STAT4: variants seen among roughly 807,000 people sequenced by gnomAD.
STAT4 encodes signal transducer and activator of transcription 4.
In STAT4, 42 loss-of-function variants were observed where a neutral mutation model predicts 110.5. That is an observed-to-expected ratio of 0.38 (90% confidence interval 0.30 to 0.49). The LOEUF (loss-of-function observed/expected upper bound fraction) is 0.49, where lower values mean the gene tolerates loss of function less well. Ranked by LOEUF, STAT4 falls within the 20% of genes least tolerant of loss-of-function variation. STAT4 has a pLI of 0.95. For missense variants in STAT4, 632 were observed against 887.9 expected (o/e 0.71, Z 3.66); for synonymous variants, 284 against 302.2 (o/e 0.94, Z 0.63).
rs8179673 is a variant in STAT4 at position 191,104,615 on chromosome 2, C to T, written c.274-28290G>A. On this transcript the variant is annotated intron_variant, in intron 3 of 23. Coordinates refer to ENST00000392320, the MANE Select transcript of STAT4 (RefSeq NM_003151.4). The surrounding 1 kb of genome is among the most constrained non-coding windows in gnomAD (Gnocchi z 4.3). ...TTTTGCTAAATAAGTATATATTAAACAAAGGTCCATAACCACCATACACAT... is the reference window on the plus strand; with the variant it reads ...TTTTGCTAAATAAGTATATATTAAATAAAGGTCCATAACCACCATACACAT... Among the ~76,000 whole-genome samples the T allele has an allele frequency of 0.78, 118,809 of 152,086 alleles. 46,692 individuals are homozygous for T. The highest frequency in any genetic ancestry group is 0.85 in the African/African-American group (35,409 of 41,512).
chr2:191,122,030 C>G (rs943798316), intron 3 of STAT4: 4 of 152,014 alleles, frequency 2.6e-5, no homozygotes, highest in Non-Finnish European at 5.9e-5. Flanking sequence ...GAATGACACA[C>G]AAATTTGTAA....
rs3024853 is a variant in STAT4, at chr2:191,063,480, T to C, written c.783-560A>G. Among the ~76,000 whole-genome samples the C allele has an allele frequency of 5.5e-3, 844 of 152,268 alleles. 9 individuals are homozygous for C. Among genetic ancestry groups the C allele is most frequent in the African/African-American group, 0.019 (801 of 41,552 alleles). On this transcript the variant is annotated intron_variant, in intron 8 of 23. Transcript: ENST00000392320. ...GCTTGCCTCTGATAACTGCTTGGAATTTTATTCACTATGTGGTGATCTCAC... is the reference window on the plus strand; with the variant it reads ...GCTTGCCTCTGATAACTGCTTGGAACTTTATTCACTATGTGGTGATCTCAC...
At position 191,039,389 on chromosome 2, in the gene STAT4, A is replaced by C; in HGVS notation, c.1336-92T>G. On this transcript the variant is annotated intron_variant, in intron 15 of 23. Coordinates refer to ENST00000392320, the MANE Select transcript of STAT4 (RefSeq NM_003151.4). The surrounding 1 kb of genome is among the most constrained non-coding windows in gnomAD (Gnocchi z 4.7). ...CCCTCGCCTCTAAAGGGCCAATCTC[A>C]AGCCAGCCCCACACCTCCAGTCCTG... The C allele has an allele frequency of 1.3e-4, 134 of 1,071,980 alleles. No individual in the cohort carries two copies. Among genetic ancestry groups the C allele is most frequent in the Non-Finnish European group, 1.6e-4 (113 of 696,674 alleles). 66.4% of individuals were successfully genotyped at this position (1,071,980 alleles called of 1,614,324 possible).
intron 13 of STAT4, among the ~76,000 whole-genome samples, chr2:191,055,114 G>GA (rs1696643992): frequency 6.6e-6 from 1 of 151,922 alleles, no homozygotes; most frequent in Non-Finnish European, 1.5e-5. Context: ...AATTATTTTA[G>GA]AAAAAAGAAT....
intron 3 of STAT4, among the ~76,000 whole-genome samples, chr2:191,092,720 G>A (rs1697835675): frequency 6.6e-6 from 1 of 152,068 alleles, no homozygotes; most frequent in Admixed American, 6.5e-5. Flanking sequence ...GCCCACGGAG[G>A]GTGAGCCAAA....
Position 191,136,024 on chromosome 2 carries a change from C to CAAAAA in STAT4, c.273+10584_273+10588dup, listed in dbSNP as rs1699173501. 4.0e-3 allele frequency among the ~76,000 whole-genome samples: 177 copies of CAAAAA among 43,726 alleles called. 6 individuals are homozygous for CAAAAA. The highest frequency in any genetic ancestry group is 0.011 in the African/African-American group (170 of 15,498). 28.7% of individuals were successfully genotyped at this position (43,726 alleles called of 152,430 possible). A position where few individuals can be genotyped will look rare whatever the true frequency, so the allele number is the denominator to read the frequency against. ...ATCTCAGAAAAAAAAAAAAAAAAAC[C>CAAAAA]AAAAAACAAAAAACCAATGTGATCA... On this transcript the variant is annotated intron_variant, in intron 3 of 23. Transcript: ENST00000392320.
At position 191,108,406 on chromosome 2, in the gene STAT4, G is replaced by A. The variant is rs565101392; in HGVS notation, c.274-32081C>T. 1.2e-4 allele frequency among the ~76,000 whole-genome samples: 18 copies of A among 152,152 alleles called. No homozygotes were observed. The East Asian group carries it at 2.7e-3, about 23-fold the overall frequency. On this transcript the variant is annotated intron_variant, in intron 3 of 23. Transcript: ENST00000392320. ...CTATAAACTCGATAGTGACAGTCTT[G>A]TTCATTAAAGATGAACATCCTTTTG...
chr2:191,073,237 T>C (rs368097626), intron 4 of STAT4, 47 bp from the exon 5 acceptor site: 46 of 1,516,444 alleles, frequency 3.0e-5, no homozygotes, highest in Non-Finnish European at 4.2e-5. Context: ...AAAAGGTTTA[T>C]GATGAATGCA....
At chr2:191,123,789 G>A (rs1464082799) in intron 3 of STAT4, among the ~76,000 whole-genome samples, 1 of 152,184 alleles carries the variant, frequency 6.6e-6, no homozygotes, top group East Asian at 1.9e-4. Flanking sequence ...GCAGGGGCTC[G>A]CTGCGACTGA....
chr2:191,123,500 G>A (rs1482086963), intron 3 of STAT4, among the ~76,000 whole-genome samples: 4 of 152,044 alleles, frequency 2.6e-5, no homozygotes, highest in South Asian at 2.1e-4. Context: ...CCATATTCTC[G>A]AAATACAGAT....
chr2:191,067,928 AC>A (rs1383632681), intron 6 of STAT4: 7 of 152,182 alleles, frequency 4.6e-5, no homozygotes, highest in African/African-American at 1.7e-4. Context: ...AAATTTCTCT[AC>A]AAATTAGGAC....
chr2:191,141,100 G>C (rs1019886371), intron 3 of STAT4, among the ~76,000 whole-genome samples: 2 of 151,864 alleles, frequency 1.3e-5, no homozygotes, highest in Admixed American at 1.3e-4. Flanking sequence ...TTGGGAGCGG[G>C]GGGTGAGGGA....
chr2:191,133,001 A>G (rs886104646), intron 3 of STAT4, among the ~76,000 whole-genome samples: 1 of 151,144 alleles, frequency 6.6e-6, no homozygotes, highest in African/African-American at 2.4e-5. Flanking sequence ...TGATCTGCCC[A>G]CCTCGGCCTC....
At position 191,030,919 on chromosome 2, in the gene STAT4, T is replaced by A. The variant is rs986362783; in HGVS notation, c.2220+53A>T. 2.0e-5 allele frequency: 31 copies of A among 1,539,254 alleles called. No individual in the cohort carries two copies. In the African/African-American group the frequency reaches 3.7e-4, roughly 18 times the overall value. The stretch of plus-strand genomic sequence containing the variant: ...CAGCCCCTTTGATTCACACACCACC[T>A]TTGCATCGTTGGAAACACCTTTGAC... On this transcript the variant is annotated intron_variant, in intron 23 of 23. Coordinates refer to ENST00000392320, the MANE Select transcript of STAT4 (RefSeq NM_003151.4). The surrounding 1 kb of genome is among the most constrained non-coding windows in gnomAD (Gnocchi z 4.4).
At position 191,058,632 on chromosome 2, in the gene STAT4, T is replaced by C. The variant is rs1351837761; in HGVS notation, c.1094+78A>G. 3.6e-6 allele frequency: 3 copies of C among 842,882 alleles called. No individual in the cohort carries two copies. The highest frequency in any genetic ancestry group is 2.7e-5 in the Admixed American group (1 of 37,460). The allele number at this position is 842,882 out of a possible 1,614,324, so 52.2% of individuals were successfully genotyped here. ...AAGTAAATTTAAAAGTTCAAAATTA[T>C]TCTATAAAATAAAGGCCATTCATTT... On this transcript the variant is annotated intron_variant, in intron 11 of 23. Transcript: ENST00000392320. The surrounding 1 kb of genome is among the most constrained non-coding windows in gnomAD (Gnocchi z 4.3).
rs543406279 is a variant in STAT4 at position 191,094,230 on chromosome 2, T to C, written c.274-17905A>G. 5.3e-5 allele frequency among the ~76,000 whole-genome samples: 8 copies of C among 152,144 alleles called. 1 individual carries two copies. The highest frequency in any genetic ancestry group is 1.7e-4 in the African/African-American group (7 of 41,504). On this transcript the variant is annotated intron_variant, in intron 3 of 23. Transcript: ENST00000392320. Reference sequence around the variant, plus strand: ...CAGGCCTACATTAAAATTCAGGAAATACAGAGAACGCCACAAAGATACTCC... The same window carrying C: ...CAGGCCTACATTAAAATTCAGGAAACACAGAGAACGCCACAAAGATACTCC...
chr2:191,134,989 T>C (rs1053772199), intron 3 of STAT4, among the ~76,000 whole-genome samples: 1 of 150,922 alleles, frequency 6.6e-6, no homozygotes, highest in Non-Finnish European at 1.5e-5. Context: ...AACAATCTAA[T>C]CATGCACCTC....
chr2:191,133,023 G>C (rs1220961581), intron 3 of STAT4, among the ~76,000 whole-genome samples: 2 of 151,370 alleles, frequency 1.3e-5, no homozygotes, highest in South Asian at 2.1e-4. Context: ...CAAAGTGCTG[G>C]GATTACAGGC....
chr2:191,084,790 T>C (rs946743914), intron 3 of STAT4, among the ~76,000 whole-genome samples: 3 of 152,010 alleles, frequency 2.0e-5, no homozygotes, highest in Admixed American at 6.6e-5. Flanking sequence ...GGCCAGAATC[T>C]AGGCCTTTGT....
Sources: allele counts gnomAD v4.1 joint callset (sites outside exome capture counted in the v4.1 genomes callset), GRCh38; gene constraint gnomAD v4.1.1; non-coding constraint Gnocchi (gnomAD v3.1); transcripts MANE v1.5; gene names NCBI Gene and HGNC (gene_info 2026-07-23, HGNC 2026-07-21).